MUC3A: variants seen among roughly 807,000 people sequenced by gnomAD.
MUC3A encodes the protein mucin-3A.
Under a neutral mutation model 109.0 loss-of-function variants are expected in MUC3A, and 109 were observed. The observed-to-expected ratio is 1.00, with a 90% confidence interval of 0.86 to 1.17. The LOEUF (loss-of-function observed/expected upper bound fraction) is 1.17, where lower values mean the gene tolerates loss of function less well. Among genes scored for constraint, MUC3A ranks in the 50% most tolerant of loss-of-function variants. The pLI is 0.00. For synonymous variants in MUC3A, 1,398 were observed against 981.4 expected (o/e 1.42, Z -7.93); for missense variants, 3,537 against 2,469.4 (o/e 1.43, Z -9.16).
intron 3 of MUC3A, among the ~76,000 whole-genome samples, chr7:100,961,785 C>T (rs1020418368): frequency 1.0e-4 from 16 of 152,400 alleles, no homozygotes; most frequent in Non-Finnish European, 1.6e-4. Flanking sequence ...TGCACACTAG[C>T]GTAGATGACA....
chr7:100,965,380 C>CAT (rs1792496143), intron 7 of MUC3A, 33 bp downstream of exon 7: 19 of 1,588,016 alleles, frequency 1.2e-5, no homozygotes, highest in Non-Finnish European at 1.4e-5. Flanking sequence ...AGTGGTCTCC[C>CAT]GCGGCTATGA....
intron 8 of MUC3A, 136 bp from the exon 9 acceptor site, chr7:100,966,250 G>C: frequency 2.5e-6 from 1 of 405,840 alleles, no homozygotes; most frequent in South Asian, 1.8e-4. Flanking sequence ...TGGATTCCCA[G>C]CCCCTTGTCT....
At position 100,952,858 on chromosome 7, in the gene MUC3A, C is replaced by T. The variant is rs1264246426; in HGVS notation, c.1079C>T (p.Thr360Ile). ...KIAYSTSMTG[T>I]LSTETSLPPT... ...GCCTACTCCACAAGTATGACAGGTA[C>T]ATTGTCCACAGAGACTTCTCTCCCA... is the stretch of plus-strand genomic sequence containing the variant. The change falls in exon 2 of 12, where the codon ACA becomes ATA. Residue 360 changes from threonine (T) to isoleucine (I), a missense_variant. Coordinates refer to ENST00000379458, the MANE Select transcript of MUC3A (RefSeq NM_005960.2). 3 of 1,538,508 alleles carry T rather than the reference C, an allele frequency of 1.9e-6. No individual in the cohort carries two copies. The highest frequency in any genetic ancestry group is 2.7e-5 in the African/African-American group (2 of 73,298).
Position 100,960,547 on chromosome 7 carries a change from C to T in MUC3A, c.8768C>T (p.Pro2923Leu), listed in dbSNP as rs1321967247. The T allele has an allele frequency of 6.3e-7, 1 of 1,598,700 alleles. No homozygotes were observed. The highest frequency in any genetic ancestry group is 8.5e-7 in the Non-Finnish European group (1 of 1,179,786). ...CCCACCACTAGGACTTCAGAGACAC[C>T]AGTGGCCACTACCCAGACTCCTACC... Reference protein sequence around the residue: ...SPPTTRTSETPVATTQTPTTL... With the variant: ...SPPTTRTSETLVATTQTPTTL... Residue 2923 changes from proline (P) to leucine (L), a missense_variant, in exon 2 of 12, where the codon CCA becomes CTA. By Grantham distance (98) the Pro-to-Leu change is moderately conservative (BLOSUM62 -3). Coordinates refer to ENST00000379458, the MANE Select transcript of MUC3A (RefSeq NM_005960.2).
At position 100,963,747 on chromosome 7, in the gene MUC3A, C is replaced by T; in HGVS notation, c.9228C>T (p.Ser3076=). ...GFTFKGVEIL[S]LRNGSIVVDY... ...CCTTCAAGGGTGTGGAGATCCTGTC[C>T]CTGAGGTAGGAGACCCATCTGGGGA... Residue 3076 remains serine, a synonymous_variant, in exon 5 of 12, where the codon TCC becomes TCT. Coordinates refer to ENST00000379458, the MANE Select transcript of MUC3A (RefSeq NM_005960.2). 7 of 1,598,564 alleles carry T rather than the reference C, an allele frequency of 4.4e-6. No homozygotes were observed. In the South Asian group the frequency reaches 6.6e-5, roughly 15 times the overall value.
At position 100,957,754 on chromosome 7, in the gene MUC3A, A is replaced by G; in HGVS notation, c.5975A>G (p.Tyr1992Cys). The change falls in exon 2 of 12, where the codon TAC becomes TGC. Residue 1992 changes from tyrosine to cysteine, a missense_variant. Tyr to Cys is a radical substitution (Grantham distance 194). Transcript: ENST00000379458. ...TKTTSHSTPS[Y>C]TSLITTTTTT... Reference sequence around the variant, plus strand: ...ACCACCTCACACAGTACTCCCAGCTACACTTCTTTGATCACCACAACCACC... The same window carrying G: ...ACCACCTCACACAGTACTCCCAGCTGCACTTCTTTGATCACCACAACCACC... 2.7e-6 allele frequency: 2 copies of G among 748,048 alleles called. No individual in the cohort carries two copies. Among genetic ancestry groups the G allele is most frequent in the South Asian group, 1.1e-4 (2 of 18,388 alleles). 46.3% of individuals were successfully genotyped at this position (748,048 alleles called of 1,614,324 possible).
In MUC3A at chr7:100,964,809, C is replaced by A. The variant is rs1207818657; in HGVS notation, c.9348C>A (p.Ala3116=). 6.3e-7 allele frequency: 1 copy of A among 1,598,210 alleles called. No individual in the cohort carries two copies. Among genetic ancestry groups the A allele is most frequent in the Admixed American group, 1.7e-5 (1 of 60,018 alleles). ...KTTLKEGLQN[A]SQDVNSCQDS... ...CGCTGAAGGAGGGGCTGCAGAACGC[C>A]AGCCAGGATGTGAACAGCTGCCAGG... Residue 3116 remains alanine, a synonymous_variant, in exon 6 of 12, where the codon GCC becomes GCA. Coordinates refer to ENST00000379458, the MANE Select transcript of MUC3A (RefSeq NM_005960.2).
Position 100,952,314 on chromosome 7 carries a change from A to T in MUC3A, c.535A>T (p.Thr179Ser), listed in dbSNP as rs750709046. The T allele has an allele frequency of 6.9e-6, 11 of 1,598,538 alleles. No homozygotes were observed. Among genetic ancestry groups the T allele is most frequent in the Non-Finnish European group, 9.3e-6 (11 of 1,179,780 alleles). Residue 179 changes from threonine (T) to serine (S), a missense_variant, in exon 2 of 12, where the codon ACT (threonine) becomes TCT (serine). Physicochemically the swap from Thr to Ser is moderately conservative, Grantham distance 58. Transcript: ENST00000379458. ...CACCAGTACTTACTCTATGACCACT[A>T]CTGAGAAAGGAACGTCAGCCATGAC... ...TVTSTYSMTT[T>S]EKGTSAMTSS...
chr7:100,962,830 T>C (rs1209644811), intron 3 of MUC3A, among the ~76,000 whole-genome samples: 2 of 19,136 alleles, frequency 1.0e-4, no homozygotes, highest in East Asian at 3.0e-3. Flanking sequence ...TCTTTCTTTC[T>C]TTCTTTTTCT....
chr7:100,966,734 G>T lies in MUC3A; in HGVS notation c.9868G>T (p.Asp3290Tyr). The T allele has an allele frequency of 6.3e-7, 1 of 1,598,550 alleles. No homozygotes were observed. The highest frequency in any genetic ancestry group is 1.1e-5 in the South Asian group (1 of 91,092). The change falls in exon 10 of 12, where the codon GAC (aspartate) becomes TAC (tyrosine). Residue 3290 changes from aspartate to tyrosine, a missense_variant. Physicochemically the swap from Asp to Tyr is radical, Grantham distance 160. Coordinates refer to ENST00000379458, the MANE Select transcript of MUC3A (RefSeq NM_005960.2). Reference protein sequence around the residue: ...GTFSNWGFEDDGTDKDTNFYV... With the variant: ...GTFSNWGFEDYGTDKDTNFYV... ...TTTTTCAAACTGGGGTTTCGAGGAC[G>T]ACGGAACAGGTGAGTCCTGCCTCCT...
chr7:100,960,298 C>T lies in MUC3A; in HGVS notation c.8519C>T (p.Ser2840Phe), dbSNP rs764152419. Residue 2840 changes from serine (S) to phenylalanine (F), a missense_variant, in exon 2 of 12, where the codon TCC (serine) becomes TTC (phenylalanine). Coordinates refer to ENST00000379458, the MANE Select transcript of MUC3A (RefSeq NM_005960.2). ...DTSSMMPESE[S>F]SISPNASSST... ...TCTTCCATGATGCCAGAAAGTGAGT[C>T]CAGCATCTCACCCAATGCTTCCAGT... 9 of 1,598,436 alleles carry T rather than the reference C, an allele frequency of 5.6e-6. No individual in the cohort carries two copies. Among genetic ancestry groups the T allele is most frequent in the African/African-American group, 4.0e-5 (3 of 74,964 alleles).
At chr7:100,962,686 T>TTTTC (rs533145286) in intron 3 of MUC3A, among the ~76,000 whole-genome samples, 12 of 148,780 alleles carry the variant, frequency 8.1e-5, no homozygotes, top group East Asian at 2.0e-4. Context: ...TTCTTTCTCT[T>TTTTC]TTTCTTTCTT....
chr7:100,960,378 C>T lies in MUC3A; in HGVS notation c.8599C>T (p.Pro2867Ser), dbSNP rs764704765. 1.9e-6 allele frequency: 3 copies of T among 1,598,432 alleles called. No homozygotes were observed. Among genetic ancestry groups the T allele is most frequent in the African/African-American group, 1.3e-5 (1 of 74,964 alleles). The change falls in exon 2 of 12, where the codon CCC becomes TCC. Residue 2867 changes from proline (P) to serine (S), a missense_variant. Physicochemically the swap from Pro to Ser is moderately conservative, Grantham distance 74. Coordinates refer to ENST00000379458, the MANE Select transcript of MUC3A (RefSeq NM_005960.2). Reference protein sequence around the residue: ...TNTVFTSTRLPTSETWLSNSS... With the variant: ...TNTVFTSTRLSTSETWLSNSS... ...CACAGTTTTCACAAGTACTCGACTG[C>T]CCACCAGTGAGACCTGGCTGAGCAA...
At position 100,963,750 on chromosome 7, in the gene MUC3A, G is replaced by C. The variant is rs1395585668; in HGVS notation, c.9231G>C (p.Leu3077=). ...TCAAGGGTGTGGAGATCCTGTCCCT[G>C]AGGTAGGAGACCCATCTGGGGATGC... The part of the protein sequence containing the change: ...FTFKGVEILS[L]RNGSIVVDYL... The change falls in exon 5 of 12, where the codon CTG becomes CTC. Residue 3077 remains leucine, a splice_region_variant and synonymous_variant. Coordinates refer to ENST00000379458, the MANE Select transcript of MUC3A (RefSeq NM_005960.2). The C allele has an allele frequency of 1.3e-6, 2 of 1,598,452 alleles. No individual in the cohort carries two copies. The highest frequency in any genetic ancestry group is 3.3e-5 in the Admixed American group (2 of 60,012).
In MUC3A at chr7:100,953,998, C is replaced by T; in HGVS notation, c.2219C>T (p.Thr740Ile). The change falls in exon 2 of 12, where the codon ACC (threonine) becomes ATC (isoleucine). Residue 740 changes from threonine to isoleucine, a missense_variant. Physicochemically the swap from Thr to Ile is moderately conservative, Grantham distance 89. Coordinates refer to ENST00000379458, the MANE Select transcript of MUC3A (RefSeq NM_005960.2). ...TTMTETSSTA[T>I]SLPPTSPLVS... ...ATGACAGAGACATCATCCACTGCCACCTCTCTTCCACCCACCTCTCCCTTG... is the reference window on the plus strand; with the variant it reads ...ATGACAGAGACATCATCCACTGCCATCTCTCTTCCACCCACCTCTCCCTTG... The T allele has an allele frequency of 2.2e-6, 1 of 464,420 alleles. No homozygotes were observed. The highest frequency in any genetic ancestry group is 3.2e-5 in the East Asian group (1 of 30,868). 28.8% of individuals were successfully genotyped at this position (464,420 alleles called of 1,614,324 possible).
chr7:100,965,344 G>C lies in MUC3A; in HGVS notation c.9445G>C (p.Ala3149Pro). The change falls in exon 7 of 12, where the codon GCA becomes CCA. Residue 3149 changes from alanine (A) to proline (P), a missense_variant. Transcript: ENST00000379458. ...NNNSKTELTP[A>P]AICRRAAPTG... ...CAACAGCAAGACAGAGCTGACCCCG[G>C]CAGGTAAGGGTGGGGTAAAGGGCTG... 1.3e-6 allele frequency: 2 copies of C among 1,598,472 alleles called. No homozygotes were observed. The highest frequency in any genetic ancestry group is 1.7e-6 in the Non-Finnish European group (2 of 1,179,442).
Position 100,967,561 on chromosome 7 carries a change from C to A in MUC3A, c.*399C>A. On this transcript the variant is annotated 3_prime_UTR_variant, in exon 12 of 12. Transcript: ENST00000379458. ...TGCCTCTCTCGGATCCTCCAATCCT[C>A]ACGTCCTTCACCTGGTCTCTGGCCC... The A allele has an allele frequency of 2.3e-6, 1 of 438,722 alleles. No individual in the cohort carries two copies. Among genetic ancestry groups the A allele is most frequent in the Admixed American group, 3.9e-5 (1 of 25,584 alleles). The allele number at this position is 438,722 out of a possible 1,614,324, so 27.2% of individuals were successfully genotyped here.
Position 100,965,886 on chromosome 7 carries a change from C to T in MUC3A, c.9611+20C>T, listed in dbSNP as rs750923396. ...GTGTCGGTAAGGCCCCGCTCACCAT[C>T]GGCATCAGCCGAGCCCCTCCCACTC... On this transcript the variant is annotated intron_variant, in intron 8 of 11. Coordinates refer to ENST00000379458, the MANE Select transcript of MUC3A (RefSeq NM_005960.2). 1.3e-6 allele frequency: 2 copies of T among 1,579,250 alleles called. No individual in the cohort carries two copies. Among genetic ancestry groups the T allele is most frequent in the South Asian group, 1.1e-5 (1 of 87,982 alleles).
rs772589476 is a variant in MUC3A, at chr7:100,966,608, C to T, written c.9786-44C>T. On this transcript the variant is annotated intron_variant, in intron 9 of 11. Transcript: ENST00000379458. The stretch of plus-strand genomic sequence containing the variant: ...GGGGGGCGAGGGCAGCCAAGGGGTC[C>T]CAGGCGGGCCGGCTCTGTCTGACCG... 3.1e-6 allele frequency: 5 copies of T among 1,597,916 alleles called. No homozygotes were observed. In the East Asian group the frequency reaches 6.7e-5, roughly 21 times the overall value.
Sources: allele counts gnomAD v4.1 joint callset (sites outside exome capture counted in the v4.1 genomes callset), GRCh38; gene constraint gnomAD v4.1.1; transcripts MANE v1.5; gene names NCBI Gene and HGNC (gene_info 2026-07-23, HGNC 2026-07-21).